The following TENM2 variants were observed in gnomAD, a reference collection of about 807,000 sequenced individuals.
The protein encoded by TENM2 is teneurin-2.
A neutral mutation model predicts 245.2 loss-of-function variants in TENM2; 52 were observed. The ratio of observed to expected loss-of-function variants is 0.21; its 90% CI spans 0.17 to 0.27. The LOEUF is 0.27. Ranked by LOEUF, TENM2 falls within the 10% of genes least tolerant of loss-of-function variation. The pLI, the probability that TENM2 is intolerant of heterozygous loss-of-function variation, is 1.00. For synonymous variants in TENM2, 1,363 were observed against 1,438.9 expected, an observed-to-expected ratio of 0.95 and a Z score of 1.19; for missense variants, 3,046 against 3,666.8, an observed-to-expected ratio of 0.83 and a Z score of 4.37.
At chr5:168,086,093 G>A (rs1458591843) in intron 7 of TENM2, among the ~76,000 whole-genome samples, 1 of 152,208 alleles carries the variant, frequency 6.6e-6, no homozygotes, top group African/African-American at 2.4e-5. Context: ...GAAGGGCAAT[G>A]AGTCTGTCTT....
intron 2 of TENM2, among the ~76,000 whole-genome samples, chr5:167,427,007 G>A (rs1264267399): frequency 6.6e-6 from 1 of 152,136 alleles, no homozygotes; most frequent in Non-Finnish European, 1.5e-5. Context: ...GAGCAACATG[G>A]CAGGGGTGAA....
chr5:167,199,293 A>T, the TENM2 span, among the ~76,000 whole-genome samples: 1 of 152,032 alleles, frequency 6.6e-6, no homozygotes, highest in African/African-American at 2.4e-5. Flanking sequence ...AGTAGCACAG[A>T]GAATAATATG....
intron 2 of TENM2, among the ~76,000 whole-genome samples, chr5:167,483,355 G>C (rs545335672): frequency 6.6e-6 from 1 of 152,120 alleles, no homozygotes; most frequent in Non-Finnish European, 1.5e-5. Context: ...GAAAAAGATA[G>C]TCTCAGATGC....
At chr5:168,030,169 T>TTTTTTTTC (rs1787002587) in intron 5 of TENM2, among the ~76,000 whole-genome samples, 1 of 92,942 alleles carries the variant, frequency 1.1e-5, no homozygotes, top group Admixed American at 1.4e-4. Context: ...TTTTTTTTTT[T>TTTTTTTTC]TTTTTTTTTT....
At chr5:167,257,558 T>C in the TENM2 span, among the ~76,000 whole-genome samples, 2 of 150,894 alleles carry the variant, frequency 1.3e-5, no homozygotes, top group Non-Finnish European at 3.0e-5. Flanking sequence ...TGGAGTGAAA[T>C]GGCAAGTTAA....
At chr5:167,456,710 A>G (rs557907097) in intron 2 of TENM2, among the ~76,000 whole-genome samples, 1 of 152,284 alleles carries the variant, frequency 6.6e-6, no homozygotes, top group East Asian at 1.9e-4. Flanking sequence ...ATCTATTTCT[A>G]ATTTCGACTT....
At chr5:167,620,607 G>A (rs1778104901) in intron 2 of TENM2, among the ~76,000 whole-genome samples, 1 of 116,022 alleles carries the variant, frequency 8.6e-6, no homozygotes, top group African/African-American at 3.3e-5. Context: ...TACAAAAGCT[G>A]TCTTTTGAGA....
intron 3 of TENM2, among the ~76,000 whole-genome samples, chr5:167,933,385 C>T (rs905458170): frequency 2.6e-5 from 4 of 152,046 alleles, no homozygotes; most frequent in Non-Finnish European, 5.9e-5. Context: ...AGATTGACAG[C>T]GTGACCTCAA....
chr5:167,008,147 C>T, the TENM2 span, among the ~76,000 whole-genome samples: 1 of 152,108 alleles, frequency 6.6e-6, no homozygotes, highest in South Asian at 2.1e-4. Flanking sequence ...AACTAAGACA[C>T]GTAGCGTATA....
chr5:167,507,880 T>C (rs955118434), intron 2 of TENM2, among the ~76,000 whole-genome samples: 1 of 152,134 alleles, frequency 6.6e-6, no homozygotes, highest in African/African-American at 2.4e-5. Flanking sequence ...TCTTTCTCTG[T>C]AGATTTTATT....
chr5:167,531,230 G>A (rs1010993110), intron 2 of TENM2, among the ~76,000 whole-genome samples: 1 of 152,144 alleles, frequency 6.6e-6, no homozygotes, highest in Non-Finnish European at 1.5e-5. Context: ...CTGTGCTGGT[G>A]GTTCTGAAAT....
At chr5:167,258,363 T>C in the TENM2 span, among the ~76,000 whole-genome samples, 2 of 151,988 alleles carry the variant, frequency 1.3e-5, no homozygotes, top group South Asian at 2.1e-4. Context: ...TGTAACAAAA[T>C]GTCCAGAGGA....
chr5:167,831,226 C>T (rs760593451), intron 2 of TENM2, among the ~76,000 whole-genome samples: 7 of 152,188 alleles, frequency 4.6e-5, no homozygotes, highest in Non-Finnish European at 7.3e-5. Flanking sequence ...CTTGTGGATG[C>T]AGGTCTGTGA....
At chr5:168,098,239 A>G (rs1279310406) in intron 9 of TENM2, 112 bp downstream of exon 11, 2 of 748,312 alleles carry the variant, frequency 2.7e-6, no homozygotes, top group Non-Finnish European at 4.6e-6. Context: ...CCCCCGAGAC[A>G]TCTTGCAAGC....
chr5:168,061,334 C>A (rs1790020517), intron 6 of TENM2, among the ~76,000 whole-genome samples: 1 of 152,078 alleles, frequency 6.6e-6, no homozygotes, highest in Non-Finnish European at 1.5e-5. Context: ...GCAAGGGAAA[C>A]CACACTTGGA....
At chr5:167,060,650 CAAA>C in the TENM2 span, among the ~76,000 whole-genome samples, 19 of 101,714 alleles carry the variant, frequency 1.9e-4, no homozygotes, top group Non-Finnish European at 1.2e-4. Context: ...GACCTTCTCT[CAAA>C]AAAAAAAAAA....
intron 2 of TENM2, among the ~76,000 whole-genome samples, chr5:167,528,261 A>T (rs2127590300): frequency 6.6e-6 from 1 of 152,230 alleles, no homozygotes; most frequent in African/African-American, 2.4e-5. Flanking sequence ...CCCCTAGCTC[A>T]TTTGGAAGTC....
intron 1 of TENM2, among the ~76,000 whole-genome samples, chr5:167,345,903 A>AC (rs1758424547): frequency 1.3e-5 from 2 of 152,082 alleles, no homozygotes; most frequent in South Asian, 4.1e-4. Flanking sequence ...AAAAAAAAAA[A>AC]AAAAAACAAG....
At chr5:167,885,361 A>G (rs761924110) in intron 3 of TENM2, among the ~76,000 whole-genome samples, 19 of 152,210 alleles carry the variant, frequency 1.2e-4, no homozygotes, top group Non-Finnish European at 2.6e-4. Flanking sequence ...AAATTTTTAC[A>G]AATGGTAATT....
Sources: allele counts gnomAD v4.1 joint callset (sites outside exome capture counted in the v4.1 genomes callset), GRCh38; gene constraint gnomAD v4.1.1; transcripts MANE v1.5; gene names NCBI Gene and HGNC (gene_info 2026-07-23, HGNC 2026-07-21).